The following IL1RAPL1 variants were observed in gnomAD, a reference collection of about 807,000 sequenced individuals.
The protein encoded by IL1RAPL1 is interleukin-1 receptor accessory protein-like 1.
Under a neutral mutation model 48.4 loss-of-function variants are expected in IL1RAPL1, and 3 were observed. That is an observed-to-expected ratio of 0.06 (90% confidence interval 0.03 to 0.16). The LOEUF (loss-of-function observed/expected upper bound fraction) is 0.16, where lower values mean the gene tolerates loss of function less well. Ranked by LOEUF, IL1RAPL1 falls within the 10% of genes least tolerant of loss-of-function variation. The probability of loss-of-function intolerance (pLI) is 1.00; values close to 1 mark genes in which losing one functional copy is unlikely to be tolerated. For missense variants in IL1RAPL1, 349 were observed against 530.6 expected (o/e 0.66, Z 3.36); for synonymous variants, 185 against 187.7 (o/e 0.99, Z 0.12).
At chrX:29,786,714 T>C (rs1929508613) in intron 6 of IL1RAPL1, among the ~76,000 whole-genome samples, 1 of 111,765 alleles carries the variant, frequency 8.9e-6, no homozygotes, top group East Asian at 2.8e-4. Context: ...TGCAATGTGC[T>C]GGATAGCAAA....
At chrX:29,590,997 A>C (rs1214062260) in intron 5 of IL1RAPL1, among the ~76,000 whole-genome samples, 1 of 112,571 alleles carries the variant, frequency 8.9e-6, no homozygotes, top group South Asian at 3.6e-4. Flanking sequence ...TAGGCTAATG[A>C]TTAGTTCTCT....
chrX:29,331,156 G>A (rs761312596), intron 3 of IL1RAPL1, among the ~76,000 whole-genome samples: 3 of 111,519 alleles, frequency 2.7e-5, no homozygotes, highest in East Asian at 2.8e-4. Flanking sequence ...GTGACAGAGC[G>A]AAACTCCGTC....
rs190023623 is a variant in IL1RAPL1 at position 29,016,774 on chromosome X, A to T, written c.82+227349A>T. ...TTTTATATAATTTACTGTGATATTTAAACTTTTTTAATATTTAGGATATAC... is the reference window on the plus strand; with the variant it reads ...TTTTATATAATTTACTGTGATATTTTAACTTTTTTAATATTTAGGATATAC... On this transcript the variant is annotated intron_variant, in intron 2 of 10. Transcript: ENST00000378993. Among the ~76,000 whole-genome samples, 9 of 111,381 alleles carry T rather than the reference A, an allele frequency of 8.1e-5. No individual in the cohort carries two copies. The East Asian group carries it at 2.2e-3, about 28-fold the overall frequency.
chrX:29,917,610 C>T lies in IL1RAPL1; in HGVS notation c.911+14C>T. On this transcript the variant is annotated intron_variant, in intron 7 of 10. Coordinates refer to ENST00000378993, the MANE Select transcript of IL1RAPL1 (RefSeq NM_014271.4). Reference sequence around the variant, plus strand: ...AAGTGACATTAGGTAATTTTTTTTCCTTTTAACCTGTATAGTCAAGATTAA... The same window carrying T: ...AAGTGACATTAGGTAATTTTTTTTCTTTTTAACCTGTATAGTCAAGATTAA... The T allele has an allele frequency of 8.5e-7, 1 of 1,180,262 alleles. No individual in the cohort carries two copies. Among genetic ancestry groups the T allele is most frequent in the African/African-American group, 1.8e-5 (1 of 56,854 alleles).
intron 2 of IL1RAPL1, among the ~76,000 whole-genome samples, chrX:28,962,946 A>T (rs905498920): frequency 9.2e-6 from 1 of 108,605 alleles, no homozygotes; most frequent in South Asian, 4.0e-4. Context: ...TTTATTAGCT[A>T]CTATCAAGTT....
chrX:29,761,444 A>T (rs1201375516), intron 6 of IL1RAPL1, among the ~76,000 whole-genome samples: 3 of 111,921 alleles, frequency 2.7e-5, no homozygotes, highest in Non-Finnish European at 5.6e-5. Context: ...CACACAACAT[A>T]TTATAGAAAA....
intron 5 of IL1RAPL1, among the ~76,000 whole-genome samples, chrX:29,472,127 C>T (rs928763131): frequency 8.9e-6 from 1 of 111,749 alleles, no homozygotes; most frequent in Admixed American, 9.5e-5. Context: ...TCTGGTGTCA[C>T]CAGTGATGGC....
At chrX:29,163,975 G>T (rs1362960651) in intron 2 of IL1RAPL1, among the ~76,000 whole-genome samples, 1 of 111,485 alleles carries the variant, frequency 9.0e-6, no homozygotes, top group Non-Finnish European at 1.9e-5. Flanking sequence ...CTCAATGATT[G>T]TAAATAGAGC....
At chrX:28,947,752 A>C (rs1277293354) in intron 2 of IL1RAPL1, among the ~76,000 whole-genome samples, 1 of 112,063 alleles carries the variant, frequency 8.9e-6, no homozygotes, top group Non-Finnish European at 1.9e-5. Flanking sequence ...ACATCAGGAA[A>C]ACAAGTAGTT....
At chrX:28,763,438 T>C (rs974309386) in intron 1 of IL1RAPL1, among the ~76,000 whole-genome samples, 1 of 112,149 alleles carries the variant, frequency 8.9e-6, no homozygotes, top group African/African-American at 3.2e-5. Context: ...AGAATTGAAA[T>C]TATTTTATGC....
At chrX:29,053,561 C>G (rs189343283) in intron 2 of IL1RAPL1, among the ~76,000 whole-genome samples, 1 of 111,814 alleles carries the variant, frequency 8.9e-6, no homozygotes, top group Non-Finnish European at 1.9e-5. Context: ...TAAATAACAG[C>G]ACCTGTTGAG....
At chrX:29,889,505 TG>T (rs1216086226) in intron 6 of IL1RAPL1, among the ~76,000 whole-genome samples, 1 of 111,879 alleles carries the variant, frequency 8.9e-6, no homozygotes, top group Non-Finnish European at 1.9e-5. Context: ...TCCAATAATA[TG>T]GATTGATTAA....
chrX:29,711,069 T>TACACACAC (rs745317897), intron 6 of IL1RAPL1, among the ~76,000 whole-genome samples: 2,760 of 86,407 alleles, frequency 0.032, 69 homozygotes, highest in African/African-American at 0.08. Flanking sequence ...TGTGTGTGTA[T>TACACACAC]ACACACACAC....
At chrX:29,929,350 C>A (rs762273923) in intron 8 of IL1RAPL1, among the ~76,000 whole-genome samples, 1 of 111,502 alleles carries the variant, frequency 9.0e-6, no homozygotes, top group South Asian at 3.7e-4. Flanking sequence ...TGTCATTGTT[C>A]TTCAGTTTTA....
chrX:28,717,625 A>G (rs1280410794), intron 1 of IL1RAPL1, among the ~76,000 whole-genome samples: 1 of 111,494 alleles, frequency 9.0e-6, no homozygotes, highest in Non-Finnish European at 1.9e-5. Context: ...TTACAAAGCT[A>G]CACATGTACT....
intron 2 of IL1RAPL1, among the ~76,000 whole-genome samples, chrX:29,110,334 G>A (rs192831727): frequency 6.3e-5 from 7 of 111,407 alleles, no homozygotes; most frequent in African/African-American, 2.0e-4. Flanking sequence ...ATCTCCTCCC[G>A]TTTCCTTCTC....
rs927720257 is a variant in IL1RAPL1, at chrX:28,715,437, A to G, written c.-24-73883A>G. Among the ~76,000 whole-genome samples the G allele has an allele frequency of 8.0e-5, 9 of 112,059 alleles. No individual in the cohort carries two copies. The Admixed American group carries it at 8.6e-4, about 11-fold the overall frequency. On this transcript the variant is annotated intron_variant, in intron 1 of 10. Coordinates refer to ENST00000378993, the MANE Select transcript of IL1RAPL1 (RefSeq NM_014271.4). ...TTTATAGCACTAAATGCCCACATCA[A>G]AAAGTTAGAAAGATCTCAAGTTAAC...
intron 1 of IL1RAPL1, among the ~76,000 whole-genome samples, chrX:28,786,445 A>G: frequency 1.8e-5 from 2 of 111,737 alleles, no homozygotes; most frequent in Admixed American, 1.9e-4. Context: ...AGCCTGAACG[A>G]CAGAGAGAGA....
At chrX:28,725,105 C>T (rs1321812853) in intron 1 of IL1RAPL1, among the ~76,000 whole-genome samples, 1 of 109,537 alleles carries the variant, frequency 9.1e-6, no homozygotes, top group Non-Finnish European at 1.9e-5. Context: ...GCGCCCGCAC[C>T]ACGCCCGGCT....
Sources: allele counts gnomAD v4.1 joint callset (sites outside exome capture counted in the v4.1 genomes callset), GRCh38; gene constraint gnomAD v4.1.1; transcripts MANE v1.5; gene names NCBI Gene and HGNC (gene_info 2026-07-23, HGNC 2026-07-21).